UNC79: variants seen among roughly 807,000 people sequenced by gnomAD.
UNC79 encodes the protein unc-79 subunit of NALCN channel complex.
A neutral mutation model predicts 283.1 loss-of-function variants in UNC79; 37 were observed. The ratio of observed to expected loss-of-function variants is 0.13; its 90% confidence interval spans 0.10 to 0.17. The LOEUF (loss-of-function observed/expected upper bound fraction) is 0.17. Among genes scored for constraint, UNC79 ranks in the 10% least tolerant of loss-of-function variants. The pLI is 1.00. For missense variants in UNC79, 2,272 were observed against 3,211.1 expected (o/e 0.71, Z 7.07); for synonymous variants, 1,107 against 1,200.2 (o/e 0.92, Z 1.61).
chr14:93,488,227 A>G (rs999432241), intron 5 of UNC79, among the ~76,000 whole-genome samples: 1 of 152,240 alleles, frequency 6.6e-6, no homozygotes, highest in Non-Finnish European at 1.5e-5. Flanking sequence ...ATAGTATGTG[A>G]AAGTACTTGT....
intron 26 of UNC79, among the ~76,000 whole-genome samples, chr14:93,606,491 A>G (rs2139656394): frequency 6.6e-6 from 1 of 152,358 alleles, no homozygotes; most frequent in Non-Finnish European, 1.5e-5. Flanking sequence ...GGAAGCAAGG[A>G]CATGCCAGAT....
At chr14:93,700,946 G>A (rs1028871787) in intron 47 of UNC79, among the ~76,000 whole-genome samples, 1 of 151,060 alleles carries the variant, frequency 6.6e-6, no homozygotes, top group Non-Finnish European at 1.5e-5. Flanking sequence ...TAACTTGCAT[G>A]TACTGGTCAG....
chr14:93,706,878 G>A (rs2075915570), exon 49 of UNC79: 2 of 1,614,222 alleles, frequency 1.2e-6, no homozygotes, highest in Non-Finnish European at 1.7e-6. Flanking sequence ...GTCCTCGGAA[G>A]CAGCCTCTCA....
chr14:93,558,362 C>T (rs1488826732), intron 14 of UNC79, among the ~76,000 whole-genome samples: 1 of 152,136 alleles, frequency 6.6e-6, no homozygotes, highest in Non-Finnish European at 1.5e-5. Context: ...CGAGACCATC[C>T]TGGCTAACAC....
At chr14:93,606,611 C>T (rs1041939475) in intron 26 of UNC79, among the ~76,000 whole-genome samples, 3 of 152,168 alleles carry the variant, frequency 2.0e-5, no homozygotes, top group East Asian at 3.8e-4. Context: ...CTCCTCTTTG[C>T]GGACCTCTTA....
chr14:93,671,253 G>C (rs2140609504), intron 40 of UNC79, among the ~76,000 whole-genome samples: 1 of 152,232 alleles, frequency 6.6e-6, no homozygotes, highest in African/African-American at 2.4e-5. Context: ...TATTATAATG[G>C]AGACAAACAT....
intron 6 of UNC79, 123 bp downstream of exon 6, chr14:93,496,589 G>A (rs1051578756): frequency 9.1e-6 from 5 of 551,190 alleles, no homozygotes; most frequent in Non-Finnish European, 1.5e-5. Flanking sequence ...ATTTTGATGT[G>A]GCAGAACCTA....
Position 93,497,137 on chromosome 14 carries a change from A to C in UNC79, c.769-20A>C. 1 of 1,601,312 alleles carries C rather than the reference A, an allele frequency of 6.2e-7. No individual in the cohort carries two copies. Among genetic ancestry groups the C allele is most frequent in the Non-Finnish European group, 8.5e-7 (1 of 1,175,966 alleles). ...TTATTTCATGATGCTAAGTCAAAAT[A>C]TGCTTGCTGTTTCCTTTAGGATCTT... is the stretch of plus-strand genomic sequence containing the variant. On this transcript the variant is annotated intron_variant, in intron 6 of 48. Transcript: ENST00000555664.
At chr14:93,615,755 AAAAGAAG>A (rs1267009703) in intron 27 of UNC79, among the ~76,000 whole-genome samples, 1 of 145,972 alleles carries the variant, frequency 6.9e-6, no homozygotes, top group Non-Finnish European at 1.5e-5. Flanking sequence ...AGAAAAGAAG[AAAAGAAG>A]AAAAGAAAAA....
rs377060304 is a variant in UNC79, at chr14:93,389,455, C to T, written c.-351+55932C>T. ...AAAACTAGGTGAATCCTACAGTTGTCCAGTTCCATTTTCCTGGAGGCAATT... is the reference window on the plus strand; with the variant it reads ...AAAACTAGGTGAATCCTACAGTTGTTCAGTTCCATTTTCCTGGAGGCAATT... On this transcript the variant is annotated intron_variant, in intron 1 of 49. Coordinates refer to the UNC79 transcript ENST00000256339. 1.1e-4 allele frequency among the ~76,000 whole-genome samples: 17 copies of T among 152,248 alleles called. No individual in the cohort carries two copies. In the South Asian group the frequency reaches 2.1e-3, roughly 19 times the overall value.
chr14:93,664,521 G>A (rs1433709939), intron 40 of UNC79, among the ~76,000 whole-genome samples: 1 of 152,146 alleles, frequency 6.6e-6, no homozygotes, highest in Non-Finnish European at 1.5e-5. Flanking sequence ...TCCAGGCAGG[G>A]AGTTTGATCT....
At chr14:93,367,218 A>G (rs1416940251) in intron 1 of UNC79, among the ~76,000 whole-genome samples, 1 of 152,256 alleles carries the variant, frequency 6.6e-6, no homozygotes, top group African/African-American at 2.4e-5. Flanking sequence ...AAAGAAATCT[A>G]AGGACGAGGA....
exon 22 of UNC79, chr14:93,586,904 G>T: frequency 1.2e-6 from 2 of 1,613,392 alleles, no homozygotes; most frequent in Non-Finnish European, 1.7e-6. Context: ...CATGTTGATT[G>T]CAAGGTACGT....
intron 30 of UNC79, among the ~76,000 whole-genome samples, chr14:93,627,579 G>T (rs770830193): frequency 6.6e-6 from 1 of 152,162 alleles, no homozygotes; most frequent in Non-Finnish European, 1.5e-5. Context: ...AGAACAAGCC[G>T]TGTTGCACAG....
chr14:93,343,009 AACCATTCC>A (rs2053745473), intron 1 of UNC79, among the ~76,000 whole-genome samples: 1 of 152,210 alleles, frequency 6.6e-6, no homozygotes, highest in African/African-American at 2.4e-5. Flanking sequence ...TTTTGGTCAA[AACCATTCC>A]ACAGGTCTCT....
chr14:93,596,160 A>G (rs1244023320), intron 23 of UNC79, among the ~76,000 whole-genome samples: 1 of 152,246 alleles, frequency 6.6e-6, no homozygotes, highest in Non-Finnish European at 1.5e-5. Flanking sequence ...TAATGAGCAC[A>G]TATTGTGTTC....
chr14:93,697,762 A>G (rs993809400), intron 47 of UNC79, among the ~76,000 whole-genome samples: 1 of 152,130 alleles, frequency 6.6e-6, no homozygotes, highest in Admixed American at 6.5e-5. Context: ...CTGCAAAAAA[A>G]AGATTTTTTT....
In UNC79 at chr14:93,372,830, A is replaced by G. The variant is rs547408026; in HGVS notation, c.-351+39307A>G. Among the ~76,000 whole-genome samples the G allele has an allele frequency of 2.7e-3, 412 of 152,350 alleles. 4 individuals are homozygous for G. Among genetic ancestry groups the G allele is most frequent in the African/African-American group, 9.2e-3 (383 of 41,594 alleles). On this transcript the variant is annotated intron_variant, in intron 1 of 49. Transcript: ENST00000256339. ...AATCAACTGGATGTAATGGTCATCT[A>G]TAGACTACCTTATCCAACAACAGCA...
intron 7 of UNC79, among the ~76,000 whole-genome samples, chr14:93,517,848 CCT>C (rs1218460596): frequency 6.6e-6 from 1 of 151,644 alleles, no homozygotes; most frequent in African/African-American, 2.4e-5. Context: ...ATTCTGCCCC[CCT>C]GTTATATTTT....
Sources: allele counts gnomAD v4.1 joint callset (sites outside exome capture counted in the v4.1 genomes callset), GRCh38; gene constraint gnomAD v4.1.1; transcripts MANE v1.5; gene names NCBI Gene and HGNC (gene_info 2026-07-23, HGNC 2026-07-21).